PTPRM: variants seen among roughly 807,000 people sequenced by gnomAD.
PTPRM encodes protein tyrosine phosphatase receptor type M.
PTPRM carries 47 observed loss-of-function variants against 186.7 expected under a neutral mutation model. That is an observed-to-expected ratio of 0.25 (90% CI 0.20 to 0.32). The LOEUF (loss-of-function observed/expected upper bound fraction) is 0.32, where lower values mean the gene tolerates loss of function less well. Among genes scored for constraint, PTPRM ranks in the 10% least tolerant of loss-of-function variants. The pLI, the probability that PTPRM is intolerant of heterozygous loss-of-function variation, is 1.00. For missense variants in PTPRM, 1,494 were observed against 1,865.0 expected, an observed-to-expected ratio of 0.80 and a Z score of 3.66; for synonymous variants, 668 against 674.9, an observed-to-expected ratio of 0.99 and a Z score of 0.16.
At chr18:7,579,058 A>C (rs1223801152) in intron 1 of PTPRM, among the ~76,000 whole-genome samples, 1 of 152,206 alleles carries the variant, frequency 6.6e-6, no homozygotes, top group Non-Finnish European at 1.5e-5. Flanking sequence ...TATAAGTGAC[A>C]TAGAAGTATG....
intron 14 of PTPRM, among the ~76,000 whole-genome samples, chr18:8,228,878 A>AGAAAAT (rs2094249478): frequency 6.6e-6 from 1 of 151,986 alleles, no homozygotes. Context: ...AAAAAGAAAA[A>AGAAAAT]TTCAGAAATT....
rs2039628931 is a variant in PTPRM, at chr18:7,687,437, A to G, written c.74-86712A>G. ...ACCTATGGTGGGATTGAAGCAATACATTATTTACACATTTAATCTTATTTT... is the reference window on the plus strand; with the variant it reads ...ACCTATGGTGGGATTGAAGCAATACGTTATTTACACATTTAATCTTATTTT... On this transcript the variant is annotated intron_variant, in intron 1 of 32. Transcript: ENST00000580170. 3.3e-5 allele frequency among the ~76,000 whole-genome samples: 5 copies of G among 152,152 alleles called. No homozygotes were observed. The South Asian group carries it at 1.0e-3, about 32-fold the overall frequency.
At chr18:8,400,337 T>C (rs1788115217) in intron 32 of PTPRM, among the ~76,000 whole-genome samples, 2 of 152,206 alleles carry the variant, frequency 1.3e-5, no homozygotes, top group Admixed American at 1.3e-4. Flanking sequence ...GTGAGTCTCA[T>C]GTGCAGCCTA....
intron 1 of PTPRM, among the ~76,000 whole-genome samples, chr18:7,662,701 A>G (rs9948613): frequency 0.03 from 4,544 of 152,226 alleles, 227 homozygotes; most frequent in African/African-American, 0.1. Context: ...TTTAAAAATA[A>G]CAAGTATAAT....
intron 2 of PTPRM, among the ~76,000 whole-genome samples, chr18:7,853,013 A>G (rs2046939783): frequency 6.6e-6 from 1 of 152,248 alleles, no homozygotes; most frequent in Non-Finnish European, 1.5e-5. Context: ...TAAGAGGTTC[A>G]ATATAAACGG....
chr18:7,842,828 GTA>G lies in PTPRM; in HGVS notation c.197-45265_197-45264del, dbSNP rs199719406. Among the ~76,000 whole-genome samples the G allele has an allele frequency of 0.012, 917 of 73,740 alleles. 28 individuals are homozygous for G. The East Asian group carries it at 0.17, about 13-fold the overall frequency. 48.4% of individuals were successfully genotyped at this position (73,740 alleles called of 152,430 possible). ...TGTGTGTGTGTGTGTATATATATAT[GTA>G]TATATATATATAGAGAGAGAGAGAG... On this transcript the variant is annotated intron_variant, in intron 2 of 32. Transcript: ENST00000580170.
chr18:8,344,428 A>ATG (rs1252018010), intron 23 of PTPRM, among the ~76,000 whole-genome samples: 1 of 27,870 alleles, frequency 3.6e-5, no homozygotes, highest in African/African-American at 9.1e-5. Context: ...GGAGATATAT[A>ATG]TATGTGTGTG....
At chr18:8,261,825 G>A (rs956120149) in intron 19 of PTPRM, among the ~76,000 whole-genome samples, 2 of 152,156 alleles carry the variant, frequency 1.3e-5, no homozygotes, top group Admixed American at 1.3e-4. Context: ...GCAACTGTCT[G>A]GTTTCCATTT....
chr18:7,766,835 G>A (rs529637599), intron 1 of PTPRM, among the ~76,000 whole-genome samples: 7 of 152,306 alleles, frequency 4.6e-5, no homozygotes, highest in South Asian at 2.1e-4. Context: ...GAGCTAAGAG[G>A]TGTAATACCT....
chr18:7,722,522 C>T (rs185508779), intron 1 of PTPRM, among the ~76,000 whole-genome samples: 63 of 152,026 alleles, frequency 4.1e-4, no homozygotes, highest in Middle Eastern at 6.8e-3. Flanking sequence ...CAGATAAATA[C>T]TAAAATAAAA....
At position 7,864,188 on chromosome 18, in the gene PTPRM, C is replaced by T. The variant is rs145340706; in HGVS notation, c.197-23918C>T. Among the ~76,000 whole-genome samples the T allele has an allele frequency of 1.8e-4, 28 of 152,300 alleles. No individual in the cohort carries two copies. The East Asian group carries it at 4.4e-3, about 24-fold the overall frequency. ...GATAGTTGATTTTGCTGCGCAGAAG[C>T]TCTTTAGTTTAATTAGATCCCATTT... is the stretch of plus-strand genomic sequence containing the variant. On this transcript the variant is annotated intron_variant, in intron 2 of 32. Coordinates refer to ENST00000580170, the MANE Select transcript of PTPRM (RefSeq NM_001105244.2).
chr18:7,623,658 T>G (rs990902709), intron 1 of PTPRM, among the ~76,000 whole-genome samples: 2 of 152,208 alleles, frequency 1.3e-5, no homozygotes, highest in African/African-American at 4.8e-5. Context: ...ATTAATAATG[T>G]TACCTTGAGT....
intron 4 of PTPRM, among the ~76,000 whole-genome samples, chr18:7,923,887 G>C (rs912755972): frequency 6.6e-6 from 1 of 152,170 alleles, no homozygotes; most frequent in African/African-American, 2.4e-5. Context: ...ATCTGAATGG[G>C]TCCCCGTATT....
intron 7 of PTPRM, among the ~76,000 whole-genome samples, chr18:8,047,309 T>G (rs889699818): frequency 4.6e-5 from 7 of 152,100 alleles, no homozygotes; most frequent in African/African-American, 1.4e-4. Flanking sequence ...TAAAAAAAAT[T>G]TTTGTGGCAA....
intron 1 of PTPRM, among the ~76,000 whole-genome samples, chr18:7,593,258 A>G (rs2037172033): frequency 6.6e-6 from 1 of 152,218 alleles, no homozygotes; most frequent in African/African-American, 2.4e-5. Context: ...AGAAAGCTAA[A>G]GAATTAACAT....
chr18:8,366,618 T>C (rs1312278215), intron 23 of PTPRM, among the ~76,000 whole-genome samples: 1 of 152,198 alleles, frequency 6.6e-6, no homozygotes, highest in Non-Finnish European at 1.5e-5. Flanking sequence ...TTAGAAATCC[T>C]GGAGTTATAG....
In PTPRM at chr18:8,318,285, C is replaced by CTT. The variant is rs140026832; in HGVS notation, c.2920-865_2920-864dup. On this transcript the variant is annotated intron_variant, in intron 21 of 32. Coordinates refer to ENST00000580170, the MANE Select transcript of PTPRM (RefSeq NM_001105244.2). The stretch of plus-strand genomic sequence containing the variant: ...TATCCTACAATTTTTTTGTTTCCTT[C>CTT]TTTTTTTTTTTTTTTTTTTTTTTTT... Among the ~76,000 whole-genome samples the CTT allele has an allele frequency of 5.0e-4, 30 of 59,924 alleles. 2 individuals are homozygous for CTT. The highest frequency in any genetic ancestry group is 1.7e-3 in the African/African-American group (23 of 13,496). 39.3% of individuals were successfully genotyped at this position (59,924 alleles called of 152,430 possible). A position where few individuals can be genotyped will look rare whatever the true frequency, so the allele number is the denominator to read the frequency against.
chr18:7,908,179 A>G (rs1170165673), intron 4 of PTPRM, among the ~76,000 whole-genome samples: 1 of 152,088 alleles, frequency 6.6e-6, no homozygotes, highest in Non-Finnish European at 1.5e-5. Flanking sequence ...GAACCAGTTT[A>G]TATTCCCACC....
At chr18:8,040,239 C>T (rs1362645187) in intron 7 of PTPRM, among the ~76,000 whole-genome samples, 1 of 152,124 alleles carries the variant, frequency 6.6e-6, no homozygotes, top group African/African-American at 2.4e-5. Context: ...TTGTTATGTG[C>T]AGCCAAGCAT....
Sources: gnomAD v4.1 joint callset for allele counts (sites outside exome capture counted in the v4.1 genomes callset) on GRCh38, gnomAD v4.1.1 for gene constraint, MANE v1.5 for transcripts, NCBI Gene and HGNC (gene_info 2026-07-23, HGNC 2026-07-21) for gene names.